Variants in MYH15 observed in about 807,000 individuals in gnomAD.
The protein encoded by MYH15 is myosin-15.
MYH15 carries 227 observed loss-of-function variants against 240.5 expected under a neutral mutation model. The observed-to-expected ratio is 0.94, with a 90% CI of 0.85 to 1.05. The LOEUF (loss-of-function observed/expected upper bound fraction) is 1.05. Among genes scored for constraint, MYH15 ranks in the 50% least tolerant of loss-of-function variants. The pLI is 0.00. For synonymous variants in MYH15, 785 were observed against 796.7 expected (o/e 0.99, Z 0.25); for missense variants, 2,217 against 2,247.5 (o/e 0.99, Z 0.27).
At chr3:108,520,278 T>C (rs556841791) in intron 1 of MYH15, among the ~76,000 whole-genome samples, 1 of 152,338 alleles carries the variant, frequency 6.6e-6, no homozygotes, top group South Asian at 2.1e-4. Context: ...ATCTTTTTCT[T>C]AAAATATTTT....
intron 35 of MYH15, among the ~76,000 whole-genome samples, chr3:108,398,198 C>T (rs747761323): frequency 6.6e-5 from 10 of 152,094 alleles, no homozygotes; most frequent in Non-Finnish European, 8.8e-5. Flanking sequence ...AACAGACCCT[C>T]GCAGCGGGAA....
At chr3:108,455,039 T>G (rs113861932) in intron 20 of MYH15, among the ~76,000 whole-genome samples, 3,282 of 152,012 alleles carry the variant, frequency 0.022, 66 homozygotes, top group Admixed American at 0.04. Flanking sequence ...AATATGGGAG[T>G]CAACATTTTA....
chr3:108,414,496 TA>T (rs2082619231), intron 29 of MYH15, 68 bp from the exon 30 acceptor site: 3 of 1,417,942 alleles, frequency 2.1e-6, no homozygotes, highest in East Asian at 2.4e-5. Context: ...GAAAGTAAGC[TA>T]ATTTTTTTTT....
At chr3:108,545,089 A>G in the MYH15 span, among the ~76,000 whole-genome samples, 1 of 152,170 alleles carries the variant, frequency 6.6e-6, no homozygotes, top group Non-Finnish European at 1.5e-5. Context: ...AGAAACTACT[A>G]TGATACCTAA....
At chr3:108,483,580 A>C (rs1195638046) in intron 11 of MYH15, among the ~76,000 whole-genome samples, 1 of 152,214 alleles carries the variant, frequency 6.6e-6, no homozygotes, top group Non-Finnish European at 1.5e-5. Context: ...TATTCTAACA[A>C]TTCCACTTCT....
intron 16 of MYH15, 129 bp from the exon 17 acceptor site, chr3:108,460,496 G>T (rs2083063232): frequency 1.8e-6 from 1 of 562,656 alleles, no homozygotes; most frequent in African/African-American, 1.9e-5. Context: ...TCTACCAAAA[G>T]CTTCAAAATA....
intron 25 of MYH15, among the ~76,000 whole-genome samples, chr3:108,432,858 G>T (rs1269217518): frequency 6.6e-6 from 1 of 152,148 alleles, no homozygotes; most frequent in African/African-American, 2.4e-5. Flanking sequence ...CCAAGCAGAA[G>T]TTTGCTGCAG....
chr3:108,436,722 A>G (rs2082840935), intron 25 of MYH15, among the ~76,000 whole-genome samples: 1 of 152,160 alleles, frequency 6.6e-6, no homozygotes, highest in Admixed American at 6.5e-5. Context: ...TATTTTTAGT[A>G]GAGATGGGGT....
intron 11 of MYH15, among the ~76,000 whole-genome samples, chr3:108,484,428 T>C (rs1248746230): frequency 1.3e-5 from 2 of 152,180 alleles, no homozygotes; most frequent in Non-Finnish European, 2.9e-5. Context: ...ACATCTCCAT[T>C]ATGTCACTTA....
intron 6 of MYH15, among the ~76,000 whole-genome samples, chr3:108,497,156 G>GA: frequency 3.3e-5 from 1 of 30,500 alleles, no homozygotes; most frequent in Non-Finnish European, 5.1e-5. Flanking sequence ...GCGAGACTCC[G>GA]TAAAAAAAAA....
intron 25 of MYH15, among the ~76,000 whole-genome samples, chr3:108,431,884 G>A (rs1450364066): frequency 6.6e-6 from 1 of 152,214 alleles, no homozygotes; most frequent in Non-Finnish European, 1.5e-5. Context: ...TTGGGAACCA[G>A]AGCAAAGGTG....
At chr3:108,478,702 T>C (rs538620758) in intron 11 of MYH15, among the ~76,000 whole-genome samples, 58 of 152,138 alleles carry the variant, frequency 3.8e-4, no homozygotes, top group African/African-American at 1.2e-3. Flanking sequence ...AAGAGAAACA[T>C]TTGTTTTTTC....
intron 29 of MYH15, among the ~76,000 whole-genome samples, chr3:108,415,758 T>C (rs2082628251): frequency 6.6e-6 from 1 of 152,086 alleles, no homozygotes; most frequent in Non-Finnish European, 1.5e-5. Context: ...TGATGGTGCC[T>C]GGTTTAAGAG....
upstream of MYH15, among the ~76,000 whole-genome samples, chr3:108,530,091 A>G (rs949417775): frequency 3.3e-5 from 5 of 152,212 alleles, no homozygotes; most frequent in Non-Finnish European, 7.3e-5. Context: ...AAAACTTCAT[A>G]CTTCATGGGG....
At position 108,399,180 on chromosome 3, in the gene MYH15, C is replaced by T. The variant is rs758857596; in HGVS notation, c.4824G>A (p.Lys1608=). The change falls in exon 34 of 41, where the codon AAG becomes AAA. Residue 1608 remains lysine (K), a synonymous_variant. Coordinates refer to ENST00000693548, the MANE Select transcript of MYH15 (RefSeq NM_014981.3). The part of the protein sequence containing the change: ...KSRIEVTRLK[K]KMEEDLNEME... ...TCTCATTGAGGTCCTCTTCCATCTT[C>T]TTCTTCAGCCGGGTAACCTCAATTC... 6.2e-7 allele frequency: 1 copy of T among 1,614,060 alleles called. No individual in the cohort carries two copies. The highest frequency in any genetic ancestry group is 8.5e-7 in the Non-Finnish European group (1 of 1,180,022).
the MYH15 span, among the ~76,000 whole-genome samples, chr3:108,547,886 C>T: frequency 2.0e-5 from 3 of 152,052 alleles, no homozygotes; most frequent in Non-Finnish European, 4.4e-5. Context: ...CAGTATCTGC[C>T]CACAAATTAC....
At chr3:108,419,768 T>C (rs1383019408) in intron 28 of MYH15, among the ~76,000 whole-genome samples, 3 of 152,216 alleles carry the variant, frequency 2.0e-5, no homozygotes, top group Admixed American at 6.5e-5. Flanking sequence ...AGATTTAGCA[T>C]CTGGAAATAG....
At position 108,408,514 on chromosome 3, in the gene MYH15, C is replaced by T. The variant is rs2082563692; in HGVS notation, c.4496-110G>A. 2 of 1,099,074 alleles carry T rather than the reference C, an allele frequency of 1.8e-6. 1 individual carries two copies. Among genetic ancestry groups the T allele is most frequent in the Admixed American group, 5.3e-5 (2 of 37,890 alleles). The allele number at this position is 1,099,074 out of a possible 1,614,324, so 68.1% of individuals were successfully genotyped here. On this transcript the variant is annotated intron_variant, in intron 31 of 40. Coordinates refer to ENST00000693548, the MANE Select transcript of MYH15 (RefSeq NM_014981.3). ...CCACTGGAACAGTGACCTCATGCCA[C>T]CCTTGGTAACTTGATGACCTATCCT...
At chr3:108,415,103 G>T (rs1015058210) in intron 29 of MYH15, among the ~76,000 whole-genome samples, 2 of 152,028 alleles carry the variant, frequency 1.3e-5, no homozygotes, top group African/African-American at 2.4e-5. Context: ...TGTAGTAGAG[G>T]CTTCTATATG....
Sources: gnomAD v4.1 joint callset for allele counts (sites outside exome capture counted in the v4.1 genomes callset) on GRCh38, gnomAD v4.1.1 for gene constraint, MANE v1.5 for transcripts, NCBI Gene and HGNC (gene_info 2026-07-23, HGNC 2026-07-21) for gene names.